The following DDX27 variants were observed in gnomAD, a reference collection of about 807,000 sequenced individuals.
DDX27 encodes the protein DEAD-box helicase 27.
DDX27 carries 42 observed loss-of-function variants against 99.3 expected under a neutral mutation model. The observed-to-expected ratio is 0.42, with a 90% CI of 0.33 to 0.55. The LOEUF is 0.55. Among genes scored for constraint, DDX27 ranks in the 20% least tolerant of loss-of-function variants. DDX27 has a pLI of 0.07. For missense variants in DDX27, 798 were observed against 976.8 expected, an observed-to-expected ratio of 0.82 and a Z score of 2.44; for synonymous variants, 329 against 353.8, an observed-to-expected ratio of 0.93 and a Z score of 0.79.
intron 8 of DDX27, among the ~76,000 whole-genome samples, chr20:49,229,427 T>C (rs975682644): frequency 3.3e-5 from 5 of 152,176 alleles, no homozygotes; most frequent in African/African-American, 1.2e-4. Context: ...TTTTTCGTGG[T>C]ACTGAACAAA....
At chr20:49,241,835 G>A (rs1472101813) in intron 16 of DDX27, 58 bp from the exon 17 acceptor site, 5 of 1,574,074 alleles carry the variant, frequency 3.2e-6, no homozygotes, top group East Asian at 2.2e-5. Context: ...ACTTCTTATC[G>A]TAAGCTTAAA....
intron 2 of DDX27, among the ~76,000 whole-genome samples, chr20:49,222,057 G>A (rs1458598240): frequency 6.6e-6 from 1 of 152,020 alleles, no homozygotes; most frequent in African/African-American, 2.4e-5. Context: ...TGTCTTCAAA[G>A]AGAAATATTG....
Position 49,239,022 on chromosome 20 carries a change from G to A in DDX27, c.1761G>A (p.Ala587=), listed in dbSNP as rs376732025. The A allele has an allele frequency of 1.2e-4, 187 of 1,614,118 alleles. No individual in the cohort carries two copies. Among genetic ancestry groups the A allele is most frequent in the Non-Finnish European group, 1.5e-4 (174 of 1,180,008 alleles). Residue 587 remains alanine (A), a synonymous_variant, in exon 15 of 21, where the codon GCG becomes GCA. Transcript: ENST00000618172. ...TGTATGCAGTTCTGCAGCTAGAGGC[G>A]GAGGAAAAAGAGATGCAGCAGTCAG... The part of the protein sequence containing the change: ...KDVYAVLQLE[A]EEKEMQQSEA...
At chr20:49,233,264 G>T in intron 9 of DDX27, 42 bp from the exon 10 acceptor site, 1 of 1,513,762 alleles carries the variant, frequency 6.6e-7, no homozygotes, top group South Asian at 1.1e-5. Context: ...TGTGACCGAA[G>T]AGCACTCTCT....
At chr20:49,230,037 C>G (rs1980045105) in intron 8 of DDX27, among the ~76,000 whole-genome samples, 162 bp from the exon 9 acceptor site, 1 of 152,154 alleles carries the variant, frequency 6.6e-6, no homozygotes, top group Non-Finnish European at 1.5e-5. Flanking sequence ...TCTGTCTTTC[C>G]CAGTGCGTTT....
intron 15 of DDX27, 58 bp from the exon 16 acceptor site, chr20:49,239,178 G>A: frequency 6.4e-7 from 1 of 1,570,836 alleles, no homozygotes; most frequent in Middle Eastern, 1.7e-4. Context: ...GCAGCCCGTG[G>A]CTTCCTGTGT....
At chr20:49,242,451 T>A in intron 18 of DDX27, 143 bp from the exon 19 acceptor site, 8 of 1,021,584 alleles carry the variant, frequency 7.8e-6, no homozygotes, top group Non-Finnish European at 1.0e-5. Flanking sequence ...AGCTGCTACT[T>A]GGAGGAGCTG....
In DDX27 at chr20:49,241,874, T is replaced by A. The variant is rs563610289; in HGVS notation, c.1898-19T>A. 1.2e-6 allele frequency: 2 copies of A among 1,611,922 alleles called. No homozygotes were observed. The highest frequency in any genetic ancestry group is 2.2e-5 in the South Asian group (2 of 90,998). ...AGATAAAATCATCCCTGAAATCTTA[T>A]GCTTTCTTCTCATCCCAGTTGCCAA... On this transcript the variant is annotated intron_variant, in intron 16 of 20. Coordinates refer to ENST00000618172, the MANE Select transcript of DDX27 (RefSeq NM_017895.8).
chr20:49,235,681 T>G (rs1198990305), intron 12 of DDX27: 3 of 156,380 alleles, frequency 1.9e-5, no homozygotes, highest in African/African-American at 7.2e-5. Context: ...ACGTTTGCTC[T>G]GTATGATGGG....
chr20:49,220,011 G>T (rs772713782), intron 1 of DDX27, among the ~76,000 whole-genome samples: 1 of 152,102 alleles, frequency 6.6e-6, no homozygotes, highest in Non-Finnish European at 1.5e-5. Context: ...GGTGGTGTGG[G>T]GGCTTGCAGA....
intron 16 of DDX27, among the ~76,000 whole-genome samples, chr20:49,240,807 C>T (rs1205076387): frequency 6.6e-6 from 1 of 152,020 alleles, no homozygotes; most frequent in Non-Finnish European, 1.5e-5. Flanking sequence ...TGTTTACAAT[C>T]ATTTGTCATC....
At chr20:49,229,433 A>G (rs1306030909) in intron 8 of DDX27, among the ~76,000 whole-genome samples, 1 of 152,120 alleles carries the variant, frequency 6.6e-6, no homozygotes, top group African/African-American at 2.4e-5. Context: ...GTGGTACTGA[A>G]CAAATTTGGG....
At chr20:49,223,059 T>C (rs1720387520) in intron 3 of DDX27, 43 bp downstream of exon 3, 2 of 1,562,734 alleles carry the variant, frequency 1.3e-6, no homozygotes, top group African/African-American at 1.4e-5. Flanking sequence ...GGGCCCACTC[T>C]TTACTCTCAC....
intron 4 of DDX27, 128 bp downstream of exon 4, chr20:49,223,561 C>T: frequency 1.3e-6 from 1 of 758,232 alleles, no homozygotes; most frequent in Admixed American, 3.7e-5. Context: ...CTACATTGAA[C>T]TCCTTTCTTT....
chr20:49,239,245 G>A lies in DDX27; in HGVS notation c.1804G>A (p.Ala602Thr). Residue 602 changes from alanine (A) to threonine (T), a missense_variant, in exon 16 of 21, where the codon GCA (alanine) becomes ACA (threonine). By Grantham distance (58) the Ala-to-Thr change is moderately conservative. Transcript: ENST00000618172. The stretch of plus-strand genomic sequence containing the variant: ...TTTGTTATCTCTACAGATCAATACA[G>A]CAAAGCGGCTCCTGGAGAAGGGGAA... The part of the protein sequence containing the change: ...MQQSEAQINT[A>T]KRLLEKGKEA... The A allele has an allele frequency of 6.2e-7, 1 of 1,614,020 alleles. No homozygotes were observed. The highest frequency in any genetic ancestry group is 8.5e-7 in the Non-Finnish European group (1 of 1,179,954).
chr20:49,220,293 G>C (rs1979601130), intron 1 of DDX27, among the ~76,000 whole-genome samples: 1 of 152,082 alleles, frequency 6.6e-6, no homozygotes, highest in South Asian at 2.1e-4. Flanking sequence ...GCTAGCTCAT[G>C]AATCTCTCTT....
chr20:49,239,127 G>A, intron 15 of DDX27, 72 bp downstream of exon 15: 1 of 1,523,222 alleles, frequency 6.6e-7, no homozygotes, highest in East Asian at 2.3e-5. Context: ...TGCTGGTGCT[G>A]CCCTTCTGAA....
chr20:49,241,309 G>C (rs1980468403), intron 16 of DDX27, among the ~76,000 whole-genome samples: 1 of 152,098 alleles, frequency 6.6e-6, no homozygotes, highest in South Asian at 2.1e-4. Context: ...GATAAAAATA[G>C]AGTTATAACT....
chr20:49,234,908 G>A, intron 11 of DDX27, 27 bp from the exon 12 acceptor site: 3 of 1,561,608 alleles, frequency 1.9e-6, no homozygotes, highest in Non-Finnish European at 2.6e-6. Context: ...AGAAACAGCT[G>A]CCAGCTCAGT....
Sources: gnomAD v4.1 joint callset for allele counts (sites outside exome capture counted in the v4.1 genomes callset) on GRCh38, gnomAD v4.1.1 for gene constraint, MANE v1.5 for transcripts, NCBI Gene and HGNC (gene_info 2026-07-23, HGNC 2026-07-21) for gene names.